The following MCTP1 variants were observed in gnomAD, a reference collection of about 807,000 sequenced individuals.
The protein encoded by MCTP1 is multiple C2 and transmembrane domain containing 1, also known as multiple C2 and transmembrane domain-containing protein 1.
Under a neutral mutation model 120.6 loss-of-function variants are expected in MCTP1, and 69 were observed. That is an observed-to-expected ratio of 0.57 (90% CI 0.47 to 0.70). The LOEUF (loss-of-function observed/expected upper bound fraction) is 0.70. Among genes scored for constraint, MCTP1 ranks in the 30% least tolerant of loss-of-function variants. The pLI, the probability that MCTP1 is intolerant of heterozygous loss-of-function variation, is 0.00. For synonymous variants in MCTP1, 529 were observed against 493.1 expected, an observed-to-expected ratio of 1.07 and a Z score of -0.96; for missense variants, 1,203 against 1,248.8, an observed-to-expected ratio of 0.96 and a Z score of 0.55.
intron 8 of MCTP1, 44 bp downstream of exon 8, chr5:94,917,852 T>C (rs1033849761): frequency 6.6e-7 from 1 of 1,525,946 alleles, no homozygotes; most frequent in Non-Finnish European, 9.1e-7. Context: ...TCCCAGCTCA[T>C]GCAAGCTCAG....
intron 1 of MCTP1, among the ~76,000 whole-genome samples, chr5:95,031,200 A>C (rs1467155143): frequency 2.0e-5 from 3 of 152,114 alleles, no homozygotes; most frequent in Non-Finnish European, 4.4e-5. Flanking sequence ...GGAACTCAGA[A>C]AACTTATTTC....
chr5:95,168,030 T>C (rs1746666444), intron 1 of MCTP1, among the ~76,000 whole-genome samples: 2 of 151,722 alleles, frequency 1.3e-5, no homozygotes. Context: ...TGGTTTTAGG[T>C]CTAACATTTA....
At chr5:94,758,667 A>G (rs1770542930) in intron 19 of MCTP1, among the ~76,000 whole-genome samples, 1 of 152,204 alleles carries the variant, frequency 6.6e-6, no homozygotes, top group African/African-American at 2.4e-5. Context: ...TTATGAATAA[A>G]TAAGAAATTT....
At chr5:94,707,836 A>G (rs370016410) in intron 22 of MCTP1, among the ~76,000 whole-genome samples, 20 of 151,924 alleles carry the variant, frequency 1.3e-4, no homozygotes, top group Admixed American at 3.9e-4. Context: ...AACCATCTAC[A>G]TCAATTTTTT....
intron 1 of MCTP1, among the ~76,000 whole-genome samples, chr5:95,154,513 G>A (rs977939967): frequency 1.3e-5 from 2 of 152,168 alleles, no homozygotes; most frequent in African/African-American, 4.8e-5. Context: ...ATGAGCAAGA[G>A]AGCTGCCTCC....
chr5:95,217,908 A>C (rs76452173), intron 1 of MCTP1, among the ~76,000 whole-genome samples: 1,820 of 152,234 alleles, frequency 0.012, 37 homozygotes, highest in African/African-American at 0.04. Flanking sequence ...AATAATCATG[A>C]TCCTGGACCT....
At chr5:94,988,958 C>A (rs1441020512) in intron 2 of MCTP1, among the ~76,000 whole-genome samples, 1 of 152,098 alleles carries the variant, frequency 6.6e-6, no homozygotes, top group Admixed American at 6.6e-5. Context: ...TGGGGGAAAC[C>A]ACCCCCATGA....
intron 17 of MCTP1, among the ~76,000 whole-genome samples, chr5:94,850,880 C>T (rs563393472): frequency 6.6e-6 from 1 of 152,182 alleles, no homozygotes; most frequent in South Asian, 2.1e-4. Flanking sequence ...TTTGAACAAA[C>T]CTTGTGGGGG....
chr5:94,967,960 C>T (rs976228121), intron 2 of MCTP1, among the ~76,000 whole-genome samples: 2 of 152,042 alleles, frequency 1.3e-5, no homozygotes, highest in African/African-American at 4.8e-5. Flanking sequence ...ATTTTAATAG[C>T]CAAGTATTAA....
At chr5:94,861,149 A>G (rs1376561034) in intron 17 of MCTP1, among the ~76,000 whole-genome samples, 2 of 151,862 alleles carry the variant, frequency 1.3e-5, no homozygotes, top group South Asian at 2.1e-4. Context: ...GACCTCTGTC[A>G]TCACGGCAAA....
At chr5:95,038,120 A>G in intron 1 of MCTP1, 1 of 985,170 alleles carries the variant, frequency 1.0e-6, no homozygotes. Context: ...ACAGGTGCAC[A>G]GCTGTGGATG....
At chr5:94,755,409 T>C (rs1349059125) in intron 19 of MCTP1, among the ~76,000 whole-genome samples, 16 of 152,266 alleles carry the variant, frequency 1.1e-4, no homozygotes, top group Non-Finnish European at 1.5e-5. Flanking sequence ...AATTCCCACT[T>C]TCCTCTCTTT....
At chr5:94,895,150 C>T (rs938413913) in intron 10 of MCTP1, among the ~76,000 whole-genome samples, 1 of 152,096 alleles carries the variant, frequency 6.6e-6, no homozygotes, top group Admixed American at 6.6e-5. Context: ...GTCACTGGGG[C>T]TTTGCTTATA....
At position 94,924,008 on chromosome 5, in the gene MCTP1, T is replaced by G; in HGVS notation, c.1226A>C (p.Asn409Thr). The G allele has an allele frequency of 6.6e-7, 1 of 1,506,630 alleles. No individual in the cohort carries two copies. The highest frequency in any genetic ancestry group is 2.6e-5 in the East Asian group (1 of 38,764). 93.3% of individuals were successfully genotyped at this position (1,506,630 alleles called of 1,614,324 possible). ...WKRSSKELSE[N>T]EVVGSYFSVK... is the part of the protein sequence containing the mutation. ...AGAGAAATAAGATCCAACCACTTCA[T>G]TTTCTGAAAGTTCCTAGAAACAAAC... The change falls in exon 7 of 23, where the codon AAT becomes ACT. Residue 409 changes from asparagine to threonine, a missense_variant. This residue lies in a region of MCTP1 where 740 missense variants were observed against 871.1 expected (regional missense o/e 0.85). Transcript: ENST00000515393.
intron 17 of MCTP1, among the ~76,000 whole-genome samples, chr5:94,834,971 T>C (rs1196398250): frequency 6.6e-6 from 1 of 151,990 alleles, no homozygotes; most frequent in Non-Finnish European, 1.5e-5. Context: ...TACAAGTGTG[T>C]GCCACCACGC....
At chr5:94,896,331 T>C (rs1218876948) in intron 10 of MCTP1, among the ~76,000 whole-genome samples, 1 of 152,214 alleles carries the variant, frequency 6.6e-6, no homozygotes, top group Non-Finnish European at 1.5e-5. Flanking sequence ...AGTATAATAC[T>C]AGAGAATTGA....
chr5:94,850,216 G>A (rs993473430), intron 17 of MCTP1, among the ~76,000 whole-genome samples: 34 of 152,122 alleles, frequency 2.2e-4, no homozygotes, highest in Admixed American at 2.0e-3. Context: ...GCACCCAACC[G>A]TTCTGCGGTC....
intron 9 of MCTP1, among the ~76,000 whole-genome samples, chr5:94,912,046 T>C (rs73776951): frequency 0.033 from 5,000 of 152,232 alleles, 98 homozygotes; most frequent in African/African-American, 0.053. Context: ...ATTTTAAAAT[T>C]TGCTATTTGC....
chr5:95,098,074 C>T (rs1374899836), intron 1 of MCTP1, among the ~76,000 whole-genome samples: 1 of 152,046 alleles, frequency 6.6e-6, no homozygotes, highest in Non-Finnish European at 1.5e-5. Flanking sequence ...TTTTTGTTTA[C>T]TTAAGTTCCT....
Sources: allele counts gnomAD v4.1 joint callset (sites outside exome capture counted in the v4.1 genomes callset), GRCh38; gene constraint gnomAD v4.1.1; regional missense constraint gnomAD v4.1.1; transcripts MANE v1.5; gene names NCBI Gene and HGNC (gene_info 2026-07-23, HGNC 2026-07-21).